The following TXNRD3 variants were observed in gnomAD, a reference collection of about 807,000 sequenced individuals.
TXNRD3 encodes thioredoxin reductase 3, also known as TXNRD3 neighbor gene protein.
TXNRD3 carries 68 observed loss-of-function variants against 78.2 expected under a neutral mutation model. The observed-to-expected ratio is 0.87, with a 90% confidence interval of 0.72 to 1.06. The LOEUF is 1.06. Ranked by LOEUF, TXNRD3 falls within the 50% of genes least tolerant of loss-of-function variation. TXNRD3 has a pLI of 0.00. For synonymous variants in TXNRD3, 296 were observed against 300.1 expected (o/e 0.99, Z 0.14); for missense variants, 751 against 809.5 (o/e 0.93, Z 0.88).
rs566971131 is a variant in TXNRD3, at chr3:126,611,461, G to A, written c.1633-329C>T. Among the ~76,000 whole-genome samples the A allele has an allele frequency of 2.0e-5, 3 of 152,320 alleles. No individual in the cohort carries two copies. The East Asian group carries it at 5.8e-4, about 29-fold the overall frequency. On this transcript the variant is annotated intron_variant, in intron 13 of 15. Transcript: ENST00000524230. ...AGGCTCTCGTGTGGGCTGCAGAGTT[G>A]AAGACTGAGATCCTGACGTCAAAGC...
intron 10 of TXNRD3, among the ~76,000 whole-genome samples, chr3:126,627,200 C>A (rs1021690328): frequency 6.6e-6 from 1 of 152,168 alleles, no homozygotes; most frequent in East Asian, 1.9e-4. Flanking sequence ...AATGAATAAA[C>A]TGCTACATTA....
intron 1 of TXNRD3, among the ~76,000 whole-genome samples, chr3:126,652,919 G>A (rs1933423256): frequency 1.3e-5 from 2 of 152,202 alleles, no homozygotes; most frequent in Non-Finnish European, 2.9e-5. Context: ...CCCTAACAAA[G>A]GGACTCTGAT....
At chr3:126,644,171 A>G in intron 4 of TXNRD3, 118 bp from the exon 5 acceptor site, 1 of 1,361,230 alleles carries the variant, frequency 7.3e-7, no homozygotes, top group Non-Finnish European at 1.0e-6. Context: ...TTTTACCTGA[A>G]TTATACCAGC....
In TXNRD3 at chr3:126,646,319, T is replaced by C. The variant is rs1933233081; in HGVS notation, c.305-99A>G. The C allele has an allele frequency of 6.9e-6, 6 of 870,670 alleles. 1 individual carries two copies. In the South Asian group the frequency reaches 1.3e-4, roughly 19 times the overall value. The allele number at this position is 870,670 out of a possible 1,614,324, so 53.9% of individuals were successfully genotyped here. On this transcript the variant is annotated intron_variant, in intron 2 of 15. Transcript: ENST00000524230. ...CAACACTCAAATGTTCACATGTACATACTCATAACAGGTCAGTGTGTTATA... is the reference window on the plus strand; with the variant it reads ...CAACACTCAAATGTTCACATGTACACACTCATAACAGGTCAGTGTGTTATA...
chr3:126,608,911 C>T (rs557125990), intron 14 of TXNRD3, among the ~76,000 whole-genome samples: 3 of 152,250 alleles, frequency 2.0e-5, no homozygotes, highest in Non-Finnish European at 4.4e-5. Flanking sequence ...ATGTAAATTT[C>T]CAAATTATGC....
Position 126,633,899 on chromosome 3 carries a change from C to T in TXNRD3, c.855+10G>A, listed in dbSNP as rs1938786590. ...AAGGAGATGAACAAGACAAGAAACT[C>T]AAGCACTACCTTTATTTTATGATGT... On this transcript the variant is annotated intron_variant, in intron 7 of 15. Transcript: ENST00000524230. 6.8e-7 allele frequency: 1 copy of T among 1,469,304 alleles called. No individual in the cohort carries two copies. The highest frequency in any genetic ancestry group is 1.4e-5 in the African/African-American group (1 of 70,550). 91.0% of individuals were successfully genotyped at this position (1,469,304 alleles called of 1,614,324 possible). A position where few individuals can be genotyped will look rare whatever the true frequency, so the allele number is the denominator to read the frequency against.
chr3:126,626,722 T>C (rs1434330235), intron 10 of TXNRD3, among the ~76,000 whole-genome samples: 1 of 152,198 alleles, frequency 6.6e-6, no homozygotes. Context: ...GGAAACTGTT[T>C]GGTAGTTTCT....
At chr3:126,643,876 A>G (rs1437186719) in intron 5 of TXNRD3, 105 bp downstream of exon 5, 7 of 1,094,030 alleles carry the variant, frequency 6.4e-6, no homozygotes, top group Admixed American at 3.0e-5. Context: ...TCCAAGAAAC[A>G]GGCGAGTTAT....
intron 7 of TXNRD3, among the ~76,000 whole-genome samples, chr3:126,633,548 T>C (rs1021750067): frequency 5.9e-5 from 9 of 152,164 alleles, no homozygotes; most frequent in African/African-American, 1.9e-4. Context: ...AATAATATAA[T>C]ATTGGAGTTC....
Position 126,655,012 on chromosome 3 carries a change from C to T in TXNRD3, c.-22G>A. 7.7e-7 allele frequency: 1 copy of T among 1,294,656 alleles called. No homozygotes were observed. The highest frequency in any genetic ancestry group is 1.6e-5 in the African/African-American group (1 of 64,458). The allele number at this position is 1,294,656 out of a possible 1,614,324, so 80.2% of individuals were successfully genotyped here. ...CCAGAGTCTCGCTCTCGCTCCTGGC[C>T]CGGCCGGGCCTGCTCACAAACCGAA... is the stretch of plus-strand genomic sequence containing the variant. On this transcript the variant is annotated 5_prime_UTR_variant, in exon 1 of 16. Coordinates refer to ENST00000524230, the MANE Select transcript of TXNRD3 (RefSeq NM_052883.3).
chr3:126,624,176 A>G (rs1272287555), intron 10 of TXNRD3, among the ~76,000 whole-genome samples: 1 of 152,234 alleles, frequency 6.6e-6, no homozygotes, highest in Non-Finnish European at 1.5e-5. Flanking sequence ...CAGTTCTTCC[A>G]AACTGACTAT....
intron 10 of TXNRD3, among the ~76,000 whole-genome samples, chr3:126,625,459 T>C (rs1938558053): frequency 6.6e-6 from 1 of 151,874 alleles, no homozygotes; most frequent in South Asian, 2.1e-4. Flanking sequence ...TCCAGCTTCA[T>C]CCATGTCCCT....
At chr3:126,610,764 C>G (rs1938181495) in intron 14 of TXNRD3, among the ~76,000 whole-genome samples, 1 of 152,162 alleles carries the variant, frequency 6.6e-6, no homozygotes, top group Admixed American at 6.5e-5. Context: ...CAAACTGTCA[C>G]TGCTCAGCCT....
Position 126,639,392 on chromosome 3 carries a change from C to A in TXNRD3, c.712+2640G>T, listed in dbSNP as rs552656151. On this transcript the variant is annotated intron_variant, in intron 6 of 15. Transcript: ENST00000524230. ...GTATTAAAATATCTCAGTGTTCTGT[C>A]TCTGTTTTCTATGCTTTTCATTCTC... 3.7e-4 allele frequency among the ~76,000 whole-genome samples: 57 copies of A among 152,172 alleles called. No homozygotes were observed. The South Asian group carries it at 8.5e-3, about 23-fold the overall frequency.
At chr3:126,625,858 T>C (rs1205986695) in intron 10 of TXNRD3, 2 of 152,314 alleles carry the variant, frequency 1.3e-5, no homozygotes, top group Non-Finnish European at 2.9e-5. Flanking sequence ...TGGTGTGAGA[T>C]GGTATCTCAT....
chr3:126,647,857 A>G (rs2107628766), intron 1 of TXNRD3, among the ~76,000 whole-genome samples: 1 of 152,310 alleles, frequency 6.6e-6, no homozygotes, highest in Admixed American at 6.5e-5. Context: ...AAGTACTATT[A>G]GTCCTAGCCA....
chr3:126,636,623 C>T (rs887855199), intron 6 of TXNRD3, among the ~76,000 whole-genome samples: 6 of 152,192 alleles, frequency 3.9e-5, no homozygotes, highest in East Asian at 1.9e-4. Context: ...CTGCACCCCA[C>T]GGCGAGCCCT....
intron 6 of TXNRD3, among the ~76,000 whole-genome samples, chr3:126,636,310 T>G (rs1938861531): frequency 6.6e-6 from 1 of 152,176 alleles, no homozygotes; most frequent in African/African-American, 2.4e-5. Context: ...TAAAATATCT[T>G]TTTATTACTT....
At chr3:126,614,769 TC>T (rs949534390) in intron 13 of TXNRD3, among the ~76,000 whole-genome samples, 2 of 152,160 alleles carry the variant, frequency 1.3e-5, no homozygotes, top group African/African-American at 4.8e-5. Context: ...TGATTTCAAT[TC>T]TCTTTTACTT....
Sources: allele counts gnomAD v4.1 joint callset (sites outside exome capture counted in the v4.1 genomes callset), GRCh38; gene constraint gnomAD v4.1.1; transcripts MANE v1.5; gene names NCBI Gene and HGNC (gene_info 2026-07-23, HGNC 2026-07-21).